The following AACS variants were observed in gnomAD, a reference collection of about 807,000 sequenced individuals.
AACS encodes the protein acetoacetyl-CoA synthetase.
A neutral mutation model predicts 83.1 loss-of-function variants in AACS; 69 were observed. The ratio of observed to expected loss-of-function variants is 0.83; its 90% CI spans 0.68 to 1.01. The LOEUF (loss-of-function observed/expected upper bound fraction) is 1.01, where lower values mean the gene tolerates loss of function less well. AACS is among the 50% of genes least tolerant of loss of function. The probability of loss-of-function intolerance (pLI) is 0.00; values close to 1 mark genes in which losing one functional copy is unlikely to be tolerated. For synonymous variants in AACS, 333 were observed against 343.4 expected (o/e 0.97, Z 0.33); for missense variants, 866 against 882.2 (o/e 0.98, Z 0.23).
In AACS at chr12:125,124,733, T is replaced by A; in HGVS notation, c.1150T>A (p.Trp384Arg). 6.2e-7 allele frequency: 1 copy of A among 1,614,192 alleles called. No individual in the cohort carries two copies. The highest frequency in any genetic ancestry group is 8.5e-7 in the Non-Finnish European group (1 of 1,180,040). The change falls in exon 11 of 18, where the codon TGG becomes AGG. Residue 384 changes from tryptophan (W) to arginine (R), a missense_variant. Transcript: ENST00000316519. Reference sequence around the variant, plus strand: ...CACTGTCCTGGTAACTGGGGCCAAGTGGCTGTCAGTGCTGGAAGAGAAGGC... The same window carrying A: ...CACTGTCCTGGTAACTGGGGCCAAGAGGCTGTCAGTGCTGGAAGAGAAGGC... ...GITVLVTGAK[W>R]LSVLEEKAMK...
In AACS at chr12:125,142,228, G is replaced by C. The variant is rs776621830; in HGVS notation, c.2018G>C (p.Ter673SerextTer31). ...YRDIPELQGF* is the reference protein window; with the variant it reads ...YRDIPELQGFS ...GACATCCCTGAGCTGCAGGGCTTCT[G>C]AGTCAGACTGGCTGGCGTGTCACTC... Residue 673 changes from the stop codon to serine, a stop_lost, in exon 18 of 18, where the codon TGA becomes TCA. Transcript: ENST00000316519. 12 of 1,613,524 alleles carry C rather than the reference G, an allele frequency of 7.4e-6. No homozygotes were observed. The African/African-American group carries it at 1.2e-4, about 16-fold the overall frequency.
rs1957470419 is a variant in AACS at position 125,140,525 on chromosome 12, C to G, written c.1882-1567C>G. ...ACATCACATGAAGTGACAGGCAGGCCCTTGGAAGCCGGTGCTTAGATCCTT... is the reference window on the plus strand; with the variant it reads ...ACATCACATGAAGTGACAGGCAGGCGCTTGGAAGCCGGTGCTTAGATCCTT... On this transcript the variant is annotated intron_variant, in intron 17 of 17. Transcript: ENST00000316519. The surrounding 1 kb of genome is among the most constrained non-coding windows in gnomAD (Gnocchi z 5.1). The G allele has an allele frequency of 6.6e-6, 1 of 151,978 alleles. No homozygotes were observed. Among genetic ancestry groups the G allele is most frequent in the African/African-American group, 2.4e-5 (1 of 41,354 alleles). 9.4% of individuals were successfully genotyped at this position (151,978 alleles called of 1,614,324 possible).
At chr12:125,109,275 G>A (rs1332467295) in intron 8 of AACS, among the ~76,000 whole-genome samples, 1 of 152,094 alleles carries the variant, frequency 6.6e-6, no homozygotes, top group South Asian at 2.1e-4. Flanking sequence ...TGGACTACAG[G>A]CACGTGCTAC....
chr12:125,143,101 A>T lies in AACS; in HGVS notation c.*872A>T, dbSNP rs1484620514. On this transcript the variant is annotated 3_prime_UTR_variant, in exon 18 of 18. Transcript: ENST00000316519. ...CGAGATCATGTCATCAGCACCCCTA[A>T]GTCAAGTCACGGGTTTCCATAGCCA... The T allele has an allele frequency of 6.6e-6, 1 of 152,234 alleles. No individual in the cohort carries two copies. The highest frequency in any genetic ancestry group is 1.5e-5 in the Non-Finnish European group (1 of 68,044). 9.4% of individuals were successfully genotyped at this position (152,234 alleles called of 1,614,324 possible). A position where few individuals can be genotyped will look rare whatever the true frequency, so the allele number is the denominator to read the frequency against.
intron 3 of AACS, among the ~76,000 whole-genome samples, chr12:125,079,391 G>A (rs114305681): frequency 0.011 from 1,638 of 152,196 alleles, 27 homozygotes; most frequent in African/African-American, 0.037. Context: ...CGTCCCCAGG[G>A]TCACCCCTCT....
intron 1 of AACS, among the ~76,000 whole-genome samples, chr12:125,070,464 A>T (rs1225933677): frequency 6.6e-6 from 1 of 152,128 alleles, no homozygotes; most frequent in Non-Finnish European, 1.5e-5. Context: ...ATGCCACTGC[A>T]CTCCAGCCTG....
rs780456906 is a variant in AACS, at chr12:125,118,720, T to C, written c.1076T>C (p.Leu359Pro). The C allele has an allele frequency of 6.2e-7, 1 of 1,614,128 alleles. No homozygotes were observed. The highest frequency in any genetic ancestry group is 1.7e-5 in the Admixed American group (1 of 60,018). Residue 359 changes from leucine (L) to proline (P), a missense_variant, in exon 10 of 18, where the codon CTG (leucine) becomes CCG (proline). Transcript: ENST00000316519. ...AAMVLYDGSP[L>P]VPTPNVLWDL... ...ATGGTCTTGTACGATGGCTCCCCCCTGGTGCCCACGCCCAATGTGCTCTGG... is the reference window on the plus strand; with the variant it reads ...ATGGTCTTGTACGATGGCTCCCCCCCGGTGCCCACGCCCAATGTGCTCTGG...
intron 8 of AACS, among the ~76,000 whole-genome samples, chr12:125,110,717 T>C (rs544210455): frequency 6.6e-6 from 1 of 152,354 alleles, no homozygotes; most frequent in Non-Finnish European, 1.5e-5. Flanking sequence ...GGAGAAACCT[T>C]TGCTTGATAA....
intron 3 of AACS, among the ~76,000 whole-genome samples, chr12:125,077,785 T>G (rs1956064853): frequency 6.6e-6 from 1 of 152,124 alleles, no homozygotes. Flanking sequence ...CTCAGTTTGC[T>G]GCAACCTCTG....
intron 1 of AACS, among the ~76,000 whole-genome samples, chr12:125,073,405 T>TG (rs1357986931): frequency 6.6e-6 from 1 of 152,206 alleles, no homozygotes; most frequent in Non-Finnish European, 1.5e-5. Context: ...TAAGGTTGTA[T>TG]GGTATAATAA....
intron 7 of AACS, among the ~76,000 whole-genome samples, chr12:125,103,438 C>A (rs1956758964): frequency 7.6e-6 from 1 of 130,734 alleles, no homozygotes; most frequent in Non-Finnish European, 1.6e-5. Context: ...ATGCACTGCA[C>A]ACGCATGCAC....
At chr12:125,107,351 G>A in intron 8 of AACS, 83 bp downstream of exon 8, 1 of 1,552,680 alleles carries the variant, frequency 6.4e-7, no homozygotes, top group East Asian at 2.3e-5. Context: ...TGGCAGTGTT[G>A]GAGTTGTCAA....
At chr12:125,111,643 G>C (rs1292771370) in intron 8 of AACS, among the ~76,000 whole-genome samples, 2 of 152,160 alleles carry the variant, frequency 1.3e-5, no homozygotes, top group African/African-American at 2.4e-5. Flanking sequence ...AGGGCTGCTC[G>C]TAATCTTCCC....
chr12:125,069,183 A>G (rs1955790884), intron 1 of AACS, among the ~76,000 whole-genome samples: 1 of 152,154 alleles, frequency 6.6e-6, no homozygotes, highest in Non-Finnish European at 1.5e-5. Context: ...GCGAACTCGT[A>G]TCCTCTCCTC....
chr12:125,129,243 C>A lies in AACS; in HGVS notation c.1424-92C>A. On this transcript the variant is annotated intron_variant, in intron 13 of 17. Coordinates refer to ENST00000316519, the MANE Select transcript of AACS (RefSeq NM_023928.5). This position sits in a 1 kb window ranked among gnomAD's most constrained non-coding sequence, Gnocchi z 4.3. Reference sequence around the variant, plus strand: ...ACCTTTGTATATGTCTGGAATATTGCATAATAAGTAATAGCTTAAGAAAGA... The same window carrying A: ...ACCTTTGTATATGTCTGGAATATTGAATAATAAGTAATAGCTTAAGAAAGA... The A allele has an allele frequency of 6.7e-7, 1 of 1,487,276 alleles. No individual in the cohort carries two copies. The highest frequency in any genetic ancestry group is 1.4e-5 in the South Asian group (1 of 72,774). 92.1% of individuals were successfully genotyped at this position (1,487,276 alleles called of 1,614,324 possible).
intron 3 of AACS, chr12:125,078,418 C>G (rs1226728901): frequency 4.6e-6 from 2 of 437,292 alleles, no homozygotes; most frequent in Non-Finnish European, 9.2e-6. Flanking sequence ...TTGACATGGT[C>G]ATGGCAGAGT....
intron 11 of AACS, 21 bp downstream of exon 11, chr12:125,124,790 C>T: frequency 6.2e-7 from 1 of 1,614,168 alleles, no homozygotes; most frequent in Admixed American, 1.7e-5. Flanking sequence ...CTCTTCAGTA[C>T]TCATTCCCTG....
intron 8 of AACS, among the ~76,000 whole-genome samples, chr12:125,107,520 C>T (rs1044415144): frequency 2.0e-4 from 30 of 152,194 alleles, no homozygotes; most frequent in African/African-American, 6.8e-4. Flanking sequence ...CACTGTACAG[C>T]GCGGTGTGCC....
chr12:125,076,690 A>G, intron 3 of AACS, 79 bp downstream of exon 3: 1 of 1,573,558 alleles, frequency 6.4e-7, no homozygotes, highest in East Asian at 2.3e-5. Context: ...ACATATTTGG[A>G]GAGATAGGAT....
Sources: gnomAD v4.1 joint callset for allele counts (sites outside exome capture counted in the v4.1 genomes callset) on GRCh38, gnomAD v4.1.1 for gene constraint, Gnocchi (gnomAD v3.1) non-coding constraint, MANE v1.5 for transcripts, NCBI Gene and HGNC (gene_info 2026-07-23, HGNC 2026-07-21) for gene names.